The following NCOR2 variants were observed in gnomAD, a reference collection of about 807,000 sequenced individuals.
NCOR2 encodes CTG repeat protein 26.
NCOR2 carries 81 observed loss-of-function variants against 262.9 expected under a neutral mutation model. The observed-to-expected ratio is 0.31, with a 90% CI of 0.26 to 0.37. The LOEUF (loss-of-function observed/expected upper bound fraction) is 0.37, where lower values mean the gene tolerates loss of function less well. Ranked by LOEUF, NCOR2 falls within the 10% of genes least tolerant of loss-of-function variation. The pLI is 1.00. For synonymous variants in NCOR2, 1,659 were observed against 1,559.3 expected, an observed-to-expected ratio of 1.06 and a Z score of -1.51; for missense variants, 3,385 against 3,621.4, an observed-to-expected ratio of 0.93 and a Z score of 1.68.
chr12:124,549,626 A>G lies in NCOR2; in HGVS notation c.-164-14015T>C, dbSNP rs1017754690. ...ATCATCACAGCCACAGTGACTCCTG[A>G]CTCCCCACTGCAACCCAGGAGGTAA... is the stretch of plus-strand genomic sequence containing the variant. On this transcript the variant is annotated intron_variant, in intron 1 of 32. Transcript: ENST00000458234. The surrounding 1 kb of genome is among the most constrained non-coding windows in gnomAD (Gnocchi z 4.4). Among the ~76,000 whole-genome samples the G allele has an allele frequency of 6.6e-6, 1 of 151,710 alleles. No homozygotes were observed. Among genetic ancestry groups the G allele is most frequent in the Non-Finnish European group, 1.5e-5 (1 of 67,960 alleles).
intron 30 of NCOR2, 127 bp downstream of exon 32, chr12:124,347,694 ATGTG>A (rs2037054836): frequency 1.2e-6 from 1 of 835,168 alleles, no homozygotes; most frequent in African/African-American, 1.7e-5. Context: ...GATCATGTAC[ATGTG>A]TGCTGCAGGC....
intron 1 of NCOR2, among the ~76,000 whole-genome samples, chr12:124,490,978 T>C (rs1432634410): frequency 1.3e-5 from 2 of 152,144 alleles, no homozygotes; most frequent in African/African-American, 4.8e-5. Flanking sequence ...GTCCTTCCCA[T>C]AGGGAGTCTG....
intron 17 of NCOR2, among the ~76,000 whole-genome samples, chr12:124,381,107 T>A (rs957045720): frequency 4.6e-5 from 7 of 151,874 alleles, no homozygotes; most frequent in Non-Finnish European, 8.8e-5. Flanking sequence ...CCCCAAGTCC[T>A]CCCCCTATCC....
Position 124,438,009 on chromosome 12 carries a change from G to T in NCOR2, c.816-13C>A, listed in dbSNP as rs750067662. On this transcript the variant is annotated splice_polypyrimidine_tract_variant and intron_variant, in intron 7 of 46. Transcript: ENST00000405201. Reference sequence around the variant, plus strand: ...CATCGCCTGGTTTCTGTGCAGGAGGGAAGCGGCAGACAGGTCAGCCCGGCC... The same window carrying T: ...CATCGCCTGGTTTCTGTGCAGGAGGTAAGCGGCAGACAGGTCAGCCCGGCC... The T allele has an allele frequency of 6.2e-7, 1 of 1,605,424 alleles. No individual in the cohort carries two copies. The highest frequency in any genetic ancestry group is 1.1e-5 in the South Asian group (1 of 89,592).
chr12:124,524,189 T>C (rs1412167740), intron 1 of NCOR2, among the ~76,000 whole-genome samples: 3 of 152,224 alleles, frequency 2.0e-5, no homozygotes, highest in Non-Finnish European at 4.4e-5. Context: ...GCCCATTCAA[T>C]GTTTTTTAAA....
At chr12:124,356,675 G>C in exon 23 of NCOR2, 1 of 1,468,656 alleles carries the variant, frequency 6.8e-7, no homozygotes, top group Non-Finnish European at 9.0e-7. Flanking sequence ...GAGGGGTCCG[G>C]GGCATGCGGG....
chr12:124,462,926 G>C (rs2046241820), intron 5 of NCOR2, among the ~76,000 whole-genome samples: 1 of 152,058 alleles, frequency 6.6e-6, no homozygotes, highest in Non-Finnish European at 1.5e-5. Context: ...GCTGATTTCC[G>C]CATTACTCAG....
At position 124,419,905 on chromosome 12, in the gene NCOR2, G is replaced by A. The variant is rs992218402; in HGVS notation, c.1482+52C>T. ...GGTGCTGGCCACCAAGCAAGTGGCC[G>A]CTGAGCATGCAGGGAGCCTGCAAGG... On this transcript the variant is annotated intron_variant, in intron 13 of 46. Coordinates refer to ENST00000405201, the Ensembl canonical transcript of NCOR2. The A allele has an allele frequency of 3.3e-5, 50 of 1,529,910 alleles. No homozygotes were observed. The African/African-American group carries it at 4.2e-4, about 13-fold the overall frequency. The allele number at this position is 1,529,910 out of a possible 1,614,324, so 94.8% of individuals were successfully genotyped here.
intron 1 of NCOR2, among the ~76,000 whole-genome samples, chr12:124,543,605 T>C (rs1330063554): frequency 6.6e-6 from 1 of 152,180 alleles, no homozygotes; most frequent in African/African-American, 2.4e-5. Flanking sequence ...CTCTCCTCGC[T>C]GCGGGGTGTG....
chr12:124,334,267 G>A lies in NCOR2; in HGVS notation c.6605+157C>T, dbSNP rs376771499. 2.5e-4 allele frequency: 137 copies of A among 550,698 alleles called. No homozygotes were observed. In the African/African-American group the frequency reaches 2.5e-3, roughly 10 times the overall value. 34.1% of individuals were successfully genotyped at this position (550,698 alleles called of 1,614,324 possible). A position where few individuals can be genotyped will look rare whatever the true frequency, so the allele number is the denominator to read the frequency against. On this transcript the variant is annotated intron_variant, in intron 41 of 46. Transcript: ENST00000405201. ...CTATTATTCGTTATGTATCCGCTCTGTGACTCCCCCATCTCCTGGAGCCTC... is the reference window on the plus strand; with the variant it reads ...CTATTATTCGTTATGTATCCGCTCTATGACTCCCCCATCTCCTGGAGCCTC...
At chr12:124,429,053 C>T (rs1429685009) in intron 10 of NCOR2, among the ~76,000 whole-genome samples, 1 of 152,234 alleles carries the variant, frequency 6.6e-6, no homozygotes, top group African/African-American at 2.4e-5. Context: ...CCAGGGTGTC[C>T]TGGCACCCCA....
At chr12:124,429,762 C>G (rs2043807230) in intron 9 of NCOR2, 56 bp from the exon 12 acceptor site, 1 of 1,485,254 alleles carries the variant, frequency 6.7e-7, no homozygotes, top group African/African-American at 1.4e-5. Context: ...GGGACACTAG[C>G]AGACCCCTGT....
chr12:124,324,993 C>T (rs369373725), exon 47 of NCOR2: 9 of 156,412 alleles, frequency 5.8e-5, no homozygotes, highest in East Asian at 1.9e-4. Flanking sequence ...GGAGGGAGGG[C>T]GCGGGGGCTG....
chr12:124,511,339 C>T (rs558127798), intron 1 of NCOR2, among the ~76,000 whole-genome samples: 33 of 152,350 alleles, frequency 2.2e-4, no homozygotes, highest in Admixed American at 3.9e-4. Context: ...TGCCAGCCCC[C>T]GTGGCGAGAC....
intron 1 of NCOR2, among the ~76,000 whole-genome samples, chr12:124,553,772 C>T (rs922838726): frequency 7.2e-5 from 11 of 152,230 alleles, no homozygotes; most frequent in African/African-American, 2.7e-4. Context: ...AGAAATCCCC[C>T]CACTGCTGAA....
chr12:124,326,238 C>A (rs200604426), exon 46 of NCOR2: 3 of 1,544,868 alleles, frequency 1.9e-6, no homozygotes, highest in Admixed American at 4.0e-5. Context: ...GAGCGGCGTC[C>A]GGCGGTTGCA....
At chr12:124,543,679 G>A (rs988002718) in intron 1 of NCOR2, among the ~76,000 whole-genome samples, 20 of 152,216 alleles carry the variant, frequency 1.3e-4, no homozygotes, top group Non-Finnish European at 2.5e-4. Flanking sequence ...CCGGGGTATC[G>A]ACCGCTTTTG....
At chr12:124,479,454 T>C (rs200090103) in intron 3 of NCOR2, among the ~76,000 whole-genome samples, 5 of 143,388 alleles carry the variant, frequency 3.5e-5, no homozygotes, top group Non-Finnish European at 6.2e-5. Flanking sequence ...CACACACGCA[T>C]ACACACACAC....
chr12:124,342,000 G>A (rs748517349), exon 34 of NCOR2: 18 of 1,613,334 alleles, frequency 1.1e-5, no homozygotes, highest in Non-Finnish European at 5.9e-6. Flanking sequence ...GGGTAGCCGC[G>A]GATGAGGTAG....
Sources: allele counts gnomAD v4.1 joint callset (sites outside exome capture counted in the v4.1 genomes callset), GRCh38; gene constraint gnomAD v4.1.1; non-coding constraint Gnocchi (gnomAD v3.1); transcripts MANE v1.5; gene names NCBI Gene and HGNC (gene_info 2026-07-23, HGNC 2026-07-21).